DLG2: variants seen among roughly 807,000 people sequenced by gnomAD.
DLG2 encodes the protein disks large homolog 2.
A neutral mutation model predicts 132.5 loss-of-function variants in DLG2; 45 were observed. The observed-to-expected ratio is 0.34, with a 90% CI of 0.27 to 0.44. The LOEUF (loss-of-function observed/expected upper bound fraction) is 0.44, where lower values mean the gene tolerates loss of function less well. Among genes scored for constraint, DLG2 ranks in the 20% least tolerant of loss-of-function variants. DLG2 has a pLI of 1.00. For missense variants in DLG2, 1,045 were observed against 1,196.9 expected (o/e 0.87, Z 1.87); for synonymous variants, 424 against 419.6 (o/e 1.01, Z -0.13).
chr11:83,933,026 T>C (rs1591336578), intron 14 of DLG2, among the ~76,000 whole-genome samples: 1 of 152,280 alleles, frequency 6.6e-6, no homozygotes, highest in Non-Finnish European at 1.5e-5. Flanking sequence ...CGGCCCTGAG[T>C]TCCAGAAGGC....
chr11:84,156,672 C>G (rs2095435623), intron 9 of DLG2, among the ~76,000 whole-genome samples: 1 of 152,140 alleles, frequency 6.6e-6, no homozygotes, highest in South Asian at 2.1e-4. Flanking sequence ...TTTTGTTAGT[C>G]ATTATTTCAC....
intron 6 of DLG2, among the ~76,000 whole-genome samples, chr11:84,651,081 A>T (rs367733071): frequency 2.6e-5 from 4 of 151,580 alleles, no homozygotes; most frequent in African/African-American, 9.7e-5. Flanking sequence ...TTTCTGAGCT[A>T]TTTGACTTTG....
chr11:83,794,569 G>T (rs966401828), intron 17 of DLG2, among the ~76,000 whole-genome samples: 1 of 150,218 alleles, frequency 6.7e-6, no homozygotes, highest in Non-Finnish European at 1.5e-5. Context: ...CATTCTCAAA[G>T]ATTGGATGCC....
chr11:85,613,787 T>G (rs893337465), intron 2 of DLG2, among the ~76,000 whole-genome samples: 3 of 152,210 alleles, frequency 2.0e-5, no homozygotes, highest in Non-Finnish European at 4.4e-5. Flanking sequence ...TGGGTCCCCT[T>G]CCACGCTGTA....
At chr11:83,500,671 T>C (rs911799255) in intron 21 of DLG2, among the ~76,000 whole-genome samples, 2 of 152,090 alleles carry the variant, frequency 1.3e-5, no homozygotes, top group Non-Finnish European at 2.9e-5. Context: ...TTTTATTTAC[T>C]AATTAAGTTA....
intron 7 of DLG2, among the ~76,000 whole-genome samples, chr11:84,318,272 T>C (rs1184503708): frequency 1.3e-5 from 2 of 152,366 alleles, no homozygotes; most frequent in East Asian, 3.9e-4. Context: ...TTCAGTGAAG[T>C]GAAAGGCTAA....
intron 7 of DLG2, among the ~76,000 whole-genome samples, chr11:84,346,404 G>A (rs1314170330): frequency 6.6e-6 from 1 of 152,182 alleles, no homozygotes; most frequent in Admixed American, 6.5e-5. Context: ...ATCAGTACAT[G>A]TTTATGAAAG....
intron 25 of DLG2, among the ~76,000 whole-genome samples, chr11:83,468,625 G>A (rs1158634489): frequency 6.6e-6 from 1 of 152,122 alleles, no homozygotes; most frequent in Non-Finnish European, 1.5e-5. Context: ...ACAGGAAATA[G>A]GATCCCTCTG....
chr11:85,524,682 T>C (rs1016847890), intron 3 of DLG2, among the ~76,000 whole-genome samples: 1 of 152,086 alleles, frequency 6.6e-6, no homozygotes, highest in Non-Finnish European at 1.5e-5. Context: ...TTTGTAGAGA[T>C]GAGGTTTCAC....
intron 6 of DLG2, among the ~76,000 whole-genome samples, chr11:85,078,520 G>A (rs1043019895): frequency 2.6e-5 from 4 of 151,946 alleles, no homozygotes; most frequent in Non-Finnish European, 5.9e-5. Context: ...CTTGAGATGT[G>A]TAGGCAACAA....
chr11:84,218,265 G>A (rs943719548), intron 8 of DLG2, among the ~76,000 whole-genome samples: 5 of 148,274 alleles, frequency 3.4e-5, no homozygotes, highest in African/African-American at 1.3e-4. Context: ...AGGAGGGAGG[G>A]AGGGAAAAAG....
intron 6 of DLG2, among the ~76,000 whole-genome samples, chr11:84,941,927 T>A (rs947090182): frequency 1.1e-4 from 17 of 152,116 alleles, no homozygotes; most frequent in Non-Finnish European, 2.2e-4. Flanking sequence ...CATTACTTCT[T>A]ATTGGTCTGT....
At chr11:83,912,447 C>T (rs1446453534) in intron 15 of DLG2, among the ~76,000 whole-genome samples, 1 of 152,004 alleles carries the variant, frequency 6.6e-6, no homozygotes, top group Non-Finnish European at 1.5e-5. Context: ...CATGAGTGTA[C>T]AAAAAATGGC....
intron 14 of DLG2, among the ~76,000 whole-genome samples, chr11:83,953,992 T>C (rs1240881515): frequency 2.0e-5 from 3 of 152,236 alleles, no homozygotes; most frequent in African/African-American, 7.2e-5. Context: ...ATTGATTAAA[T>C]TACTATTCAA....
At chr11:84,830,442 G>A (rs191089233) in intron 6 of DLG2, among the ~76,000 whole-genome samples, 9 of 151,366 alleles carry the variant, frequency 5.9e-5, no homozygotes. Flanking sequence ...AAGTGTGTTG[G>A]AGGTGAAGTG....
At chr11:85,231,132 C>A (rs2075278250) in intron 4 of DLG2, among the ~76,000 whole-genome samples, 1 of 151,908 alleles carries the variant, frequency 6.6e-6, no homozygotes, top group African/African-American at 2.4e-5. Context: ...ACTATTATTT[C>A]ACCAAAAAAA....
intron 4 of DLG2, among the ~76,000 whole-genome samples, chr11:85,234,925 T>C (rs2075500565): frequency 6.6e-6 from 1 of 152,010 alleles, no homozygotes; most frequent in Non-Finnish European, 1.5e-5. Context: ...ACCTTTCCAA[T>C]GTCCCTGTCA....
chr11:84,400,153 C>T (rs1163722652), intron 7 of DLG2, among the ~76,000 whole-genome samples: 4 of 152,066 alleles, frequency 2.6e-5, no homozygotes, highest in South Asian at 2.1e-4. Flanking sequence ...AAATATAAGC[C>T]CCCAGTTAGG....
At chr11:85,193,142 G>A (rs1056983317) in intron 4 of DLG2, among the ~76,000 whole-genome samples, 1 of 152,070 alleles carries the variant, frequency 6.6e-6, no homozygotes, top group Admixed American at 6.5e-5. Context: ...CTATGAATTT[G>A]CCTATTCTGG....
Sources: gnomAD v4.1 joint callset for allele counts (sites outside exome capture counted in the v4.1 genomes callset) on GRCh38, gnomAD v4.1.1 for gene constraint, MANE v1.5 for transcripts, NCBI Gene and HGNC (gene_info 2026-07-23, HGNC 2026-07-21) for gene names.